DPP10: variants seen among roughly 807,000 people sequenced by gnomAD.
DPP10 encodes inactive dipeptidyl peptidase 10.
DPP10 carries 33 observed loss-of-function variants against 120.9 expected under a neutral mutation model. The observed-to-expected ratio is 0.27, with a 90% confidence interval of 0.21 to 0.37. DPP10 has a LOEUF of 0.37. Among genes scored for constraint, DPP10 ranks in the 10% least tolerant of loss-of-function variants. The pLI is 1.00. For synonymous variants in DPP10, 337 were observed against 326.1 expected, an observed-to-expected ratio of 1.03 and a Z score of -0.36; for missense variants, 816 against 942.8, an observed-to-expected ratio of 0.87 and a Z score of 1.76.
intron 1 of DPP10, among the ~76,000 whole-genome samples, chr2:114,682,991 G>A (rs753641420): frequency 1.3e-5 from 2 of 151,880 alleles, no homozygotes; most frequent in Non-Finnish European, 2.9e-5. Context: ...TTTCCATTTG[G>A]TAAACTGAAA....
intron 5 of DPP10, among the ~76,000 whole-genome samples, chr2:115,540,925 A>T (rs2079134738): frequency 6.6e-6 from 1 of 151,802 alleles, no homozygotes; most frequent in African/African-American, 2.4e-5. Flanking sequence ...TTGTTTGCAG[A>T]TTGAATGATG....
chr2:115,718,750 G>A (rs1197710269), intron 7 of DPP10, among the ~76,000 whole-genome samples: 1 of 151,944 alleles, frequency 6.6e-6, no homozygotes, highest in Non-Finnish European at 1.5e-5. Context: ...TCAGCACAGG[G>A]CCTAGCACAT....
chr2:114,836,407 G>A (rs1263895237), intron 1 of DPP10, among the ~76,000 whole-genome samples: 2 of 152,142 alleles, frequency 1.3e-5, no homozygotes, highest in East Asian at 1.9e-4. Flanking sequence ...GCTTCCGGGG[G>A]AGAAATCACA....
intron 1 of DPP10, among the ~76,000 whole-genome samples, chr2:114,532,296 T>TACACACACAC (rs56653562): frequency 2.7e-5 from 2 of 74,756 alleles, no homozygotes; most frequent in African/African-American, 6.6e-5. Flanking sequence ...TATATATATA[T>TACACACACAC]ACACACACAC....
At chr2:115,029,308 C>T (rs1050246522) in intron 1 of DPP10, among the ~76,000 whole-genome samples, 8 of 151,796 alleles carry the variant, frequency 5.3e-5, no homozygotes, top group Non-Finnish European at 8.8e-5. Context: ...TTACTGTTTT[C>T]GATAGATTAG....
intron 5 of DPP10, among the ~76,000 whole-genome samples, chr2:115,603,146 G>A (rs62156708): frequency 0.013 from 1,232 of 92,464 alleles, 21 homozygotes; most frequent in African/African-American, 0.035. Context: ...GTGTGTGTGT[G>A]TGTGTGTGTG....
chr2:114,783,208 A>G (rs1372168262), intron 1 of DPP10, among the ~76,000 whole-genome samples: 1 of 152,196 alleles, frequency 6.6e-6, no homozygotes, highest in African/African-American at 2.4e-5. Flanking sequence ...GAAATATAAA[A>G]CTGCATCAAA....
chr2:115,259,852 TTTA>T (rs1226951568), intron 1 of DPP10, among the ~76,000 whole-genome samples: 2 of 152,114 alleles, frequency 1.3e-5, no homozygotes, highest in African/African-American at 4.8e-5. Context: ...ATAGCATAAT[TTTA>T]TTATCTATGT....
At chr2:114,590,335 A>G (rs534485465) in intron 1 of DPP10, among the ~76,000 whole-genome samples, 1 of 152,314 alleles carries the variant, frequency 6.6e-6, no homozygotes, top group East Asian at 1.9e-4. Context: ...CTATGCTAAC[A>G]AGTAAGATGA....
At chr2:114,490,813 A>T (rs55723836) in intron 1 of DPP10, among the ~76,000 whole-genome samples, 1 of 152,096 alleles carries the variant, frequency 6.6e-6, no homozygotes, top group African/African-American at 2.4e-5. Context: ...TGAACTCAGA[A>T]AACTTGTGTG....
At chr2:114,568,563 T>C (rs1023326228) in intron 1 of DPP10, among the ~76,000 whole-genome samples, 18 of 152,180 alleles carry the variant, frequency 1.2e-4, no homozygotes, top group African/African-American at 4.3e-4. Flanking sequence ...CATCCCATTA[T>C]CGCCTCAATC....
intron 1 of DPP10, among the ~76,000 whole-genome samples, chr2:114,903,756 C>T (rs1558864202): frequency 6.6e-6 from 1 of 152,052 alleles, no homozygotes; most frequent in Non-Finnish European, 1.5e-5. Flanking sequence ...AAAGGTGGTG[C>T]CATAACCAGA....
intron 1 of DPP10, among the ~76,000 whole-genome samples, chr2:114,525,878 C>A (rs1236816017): frequency 6.6e-6 from 1 of 152,162 alleles, no homozygotes; most frequent in African/African-American, 2.4e-5. Context: ...TACCATGAAG[C>A]ATTACTCCAC....
Position 115,836,204 on chromosome 2 carries a change from GC to G in DPP10, c.1999del (p.Leu667PhefsTer14). On this transcript the variant is annotated frameshift_variant, in exon 22 of 26. Transcript: ENST00000410059. LOFTEE classifies it high-confidence loss of function. The part of the protein sequence containing the change: ...ASMILKSDEK[L>X]FKCGSVVAPI... ...CAATGATCTTAAAATCAGATGAAAA[GC>G]TTTTTAAATGTGGATCCGTGGTTGC... The G allele has an allele frequency of 6.2e-7, 1 of 1,607,448 alleles. No individual in the cohort carries two copies. Among genetic ancestry groups the G allele is most frequent in the Non-Finnish European group, 8.5e-7 (1 of 1,177,602 alleles).
chr2:114,579,908 T>C (rs1051954793), intron 1 of DPP10, among the ~76,000 whole-genome samples: 8 of 152,164 alleles, frequency 5.3e-5, no homozygotes. Flanking sequence ...GAAATAGGGA[T>C]GACAAGGATG....
chr2:114,921,206 A>C (rs939538659), intron 1 of DPP10, among the ~76,000 whole-genome samples: 48 of 152,216 alleles, frequency 3.2e-4, no homozygotes, highest in Non-Finnish European at 6.0e-4. Context: ...ATAAATATGC[A>C]GGATTTCCTG....
chr2:115,336,558 ACTCTCTCT>A (rs70941045), intron 2 of DPP10, among the ~76,000 whole-genome samples: 3 of 144,666 alleles, frequency 2.1e-5, no homozygotes, highest in African/African-American at 2.6e-5. Context: ...ATACATGTGT[ACTCTCTCT>A]CTCTCTCTCT....
At position 115,260,214 on chromosome 2, in the gene DPP10, A is replaced by T. The variant is rs189546068; in HGVS notation, c.61-49025A>T. ...TCATGACTATGTATAACTTCATGGT[A>T]TTATGTATATAACATCGTGGTATTA... On this transcript the variant is annotated intron_variant, in intron 1 of 25. Transcript: ENST00000410059. Among the ~76,000 whole-genome samples the T allele has an allele frequency of 2.1e-3, 313 of 151,936 alleles. 1 individual carries two copies. The highest frequency in any genetic ancestry group is 3.6e-3 in the Non-Finnish European group (242 of 67,930).
intron 1 of DPP10, among the ~76,000 whole-genome samples, chr2:114,492,731 T>TCAG (rs149548175): frequency 1.3e-5 from 2 of 152,094 alleles, no homozygotes; most frequent in South Asian, 2.1e-4. Context: ...CTTGGCTCAG[T>TCAG]CAGCAGCAGC....
Sources: gnomAD v4.1 joint callset for allele counts (sites outside exome capture counted in the v4.1 genomes callset) on GRCh38, gnomAD v4.1.1 for gene constraint, MANE v1.5 for transcripts, NCBI Gene and HGNC (gene_info 2026-07-23, HGNC 2026-07-21) for gene names.